The following SAMTOR variants were observed in gnomAD, a reference collection of about 807,000 sequenced individuals.
SAMTOR encodes the protein S-adenosylmethionine sensor upstream of mTORC1, also known as UPF0532 protein C7orf60.
chr7:112,888,184 C>T, the SAMTOR span, among the ~76,000 whole-genome samples: 251 of 152,004 alleles, frequency 1.7e-3, 4 homozygotes, highest in Non-Finnish European at 3.1e-3. Context: ...CTTATCTGAC[C>T]CTTGTGCTAT....
chr7:112,896,780 TATAA>T, the SAMTOR span, among the ~76,000 whole-genome samples: 1 of 152,182 alleles, frequency 6.6e-6, no homozygotes, highest in Non-Finnish European at 1.5e-5. Flanking sequence ...TAGTTATTTC[TATAA>T]ATAAAGTACC....
At chr7:112,933,789 T>C in the SAMTOR span, among the ~76,000 whole-genome samples, 1 of 152,158 alleles carries the variant, frequency 6.6e-6, no homozygotes, top group African/African-American at 2.4e-5. Context: ...ATCCACCAAA[T>C]TGCTTTCTGG....
chr7:112,884,867 C>T, the SAMTOR span, among the ~76,000 whole-genome samples: 1 of 152,228 alleles, frequency 6.6e-6, no homozygotes, highest in African/African-American at 2.4e-5. Context: ...ACCACATTTC[C>T]CTTCCACACT....
At chr7:112,905,316 T>C in the SAMTOR span, among the ~76,000 whole-genome samples, 1 of 152,186 alleles carries the variant, frequency 6.6e-6, no homozygotes, top group African/African-American at 2.4e-5. Flanking sequence ...AAATAATTAT[T>C]TCAATGGCAT....
the SAMTOR span, among the ~76,000 whole-genome samples, chr7:112,873,665 A>G: frequency 2.0e-5 from 3 of 152,154 alleles, no homozygotes; most frequent in Non-Finnish European, 4.4e-5. Context: ...CAAAGAATAT[A>G]TGACTAAATC....
chr7:112,909,511 A>G, the SAMTOR span, among the ~76,000 whole-genome samples: 1 of 152,218 alleles, frequency 6.6e-6, no homozygotes, highest in Non-Finnish European at 1.5e-5. Context: ...AATTGGTATT[A>G]CAACCATACA....
At chr7:112,822,140 T>C in the SAMTOR span, 1 of 1,613,854 alleles carries the variant, frequency 6.2e-7, no homozygotes, top group Non-Finnish European at 8.5e-7. Context: ...GTGTGATGAT[T>C]AGTAATAAAC....
At chr7:112,918,152 C>T in the SAMTOR span, among the ~76,000 whole-genome samples, 15 of 152,118 alleles carry the variant, frequency 9.9e-5, no homozygotes, top group African/African-American at 3.6e-4. Flanking sequence ...TTGTCAGATT[C>T]GCCAAAGTTG....
the SAMTOR span, chr7:112,895,781 G>A: frequency 1.9e-5 from 25 of 1,334,196 alleles, no homozygotes; most frequent in Admixed American, 3.6e-4. Flanking sequence ...TACTGTGTAC[G>A]ACTACAAAAT....
the SAMTOR span, among the ~76,000 whole-genome samples, chr7:112,917,762 T>C: frequency 2.0e-5 from 3 of 152,112 alleles, no homozygotes; most frequent in East Asian, 5.8e-4. Context: ...AAGGAGCTGA[T>C]GGAGCTGAAA....
At chr7:112,931,510 A>C in the SAMTOR span, among the ~76,000 whole-genome samples, 1 of 152,220 alleles carries the variant, frequency 6.6e-6, no homozygotes, top group South Asian at 2.1e-4. Context: ...AACCAATGTC[A>C]CCAACATGTT....
chr7:112,912,799 T>C, the SAMTOR span, among the ~76,000 whole-genome samples: 1 of 151,986 alleles, frequency 6.6e-6, no homozygotes, highest in South Asian at 2.1e-4. Context: ...TGTGATAATA[T>C]AACGATTGAT....
the SAMTOR span, among the ~76,000 whole-genome samples, chr7:112,829,559 C>T: frequency 1.3e-5 from 2 of 152,106 alleles, no homozygotes; most frequent in Non-Finnish European, 2.9e-5. Flanking sequence ...TGCTGCTTTG[C>T]ATGGCTGTAA....
At chr7:112,854,391 G>A in the SAMTOR span, among the ~76,000 whole-genome samples, 2 of 152,076 alleles carry the variant, frequency 1.3e-5, no homozygotes, top group Non-Finnish European at 2.9e-5. Context: ...GGTGATCAAA[G>A]GTTACTTATG....
At chr7:112,908,741 A>C in the SAMTOR span, among the ~76,000 whole-genome samples, 1 of 152,184 alleles carries the variant, frequency 6.6e-6, no homozygotes, top group Non-Finnish European at 1.5e-5. Context: ...GTAGGATAAA[A>C]ACAAAACAAA....
the SAMTOR span, among the ~76,000 whole-genome samples, chr7:112,841,139 A>C: frequency 1.3e-5 from 2 of 152,018 alleles, no homozygotes; most frequent in Non-Finnish European, 2.9e-5. Flanking sequence ...GAGGAAGCTA[A>C]ATTGTCTCTT....
chr7:112,869,185 C>T, the SAMTOR span, among the ~76,000 whole-genome samples: 15 of 152,278 alleles, frequency 9.9e-5, no homozygotes, highest in South Asian at 2.1e-4. Context: ...CCCCCAGCCC[C>T]GCTCATTAGT....
At chr7:112,917,576 C>A in the SAMTOR span, among the ~76,000 whole-genome samples, 2 of 152,180 alleles carry the variant, frequency 1.3e-5, no homozygotes, top group Non-Finnish European at 2.9e-5. Context: ...TCCTCACCAG[C>A]AACGGAATAA....
the SAMTOR span, among the ~76,000 whole-genome samples, chr7:112,914,979 G>A: frequency 0.011 from 1,617 of 152,196 alleles, 30 homozygotes; most frequent in African/African-American, 0.037. Context: ...GGTGGCTCAC[G>A]TCTGTAATCC....
Sources: gnomAD v4.1 joint callset for allele counts (sites outside exome capture counted in the v4.1 genomes callset) on GRCh38, gnomAD v4.1.1 for gene constraint, MANE v1.5 for transcripts, NCBI Gene and HGNC (gene_info 2026-07-23, HGNC 2026-07-21) for gene names.